Variants in TM9SF4 observed in about 807,000 individuals in gnomAD.
The protein encoded by TM9SF4 is transmembrane 9 superfamily member 4.
TM9SF4 carries 26 observed loss-of-function variants against 90.4 expected under a neutral mutation model. The ratio of observed to expected loss-of-function variants is 0.29; its 90% confidence interval spans 0.21 to 0.40. The LOEUF (loss-of-function observed/expected upper bound fraction) is 0.40. Among genes scored for constraint, TM9SF4 ranks in the 10% least tolerant of loss-of-function variants. The pLI is 1.00. For synonymous variants in TM9SF4, 293 were observed against 315.4 expected, an observed-to-expected ratio of 0.93 and a Z score of 0.75; for missense variants, 549 against 834.8, an observed-to-expected ratio of 0.66 and a Z score of 4.22.
chr20:32,111,892 C>G (rs2046147890), intron 1 of TM9SF4, among the ~76,000 whole-genome samples: 1 of 152,130 alleles, frequency 6.6e-6, no homozygotes, highest in African/African-American at 2.4e-5. Flanking sequence ...CAAGATGAAA[C>G]TGGAGGGAAG....
chr20:32,166,986 A>G lies in TM9SF4; in HGVS notation c.*1542A>G, dbSNP rs1366155131. 1.3e-5 allele frequency: 2 copies of G among 152,122 alleles called. No homozygotes were observed. The allele number at this position is 152,122 out of a possible 1,614,324, so 9.4% of individuals were successfully genotyped here. A position where few individuals can be genotyped will look rare whatever the true frequency, so the allele number is the denominator to read the frequency against. ...CTTGCCTCACAGTGACTGCAGCGCC[A>G]AGCGGCATCCACCAAGCATCAAGTT... On this transcript the variant is annotated 3_prime_UTR_variant, in exon 18 of 18. Coordinates refer to ENST00000398022, the MANE Select transcript of TM9SF4 (RefSeq NM_014742.4).
At chr20:32,113,493 T>C (rs1252247498) in intron 1 of TM9SF4, among the ~76,000 whole-genome samples, 2 of 151,916 alleles carry the variant, frequency 1.3e-5, no homozygotes, top group Non-Finnish European at 2.9e-5. Context: ...GTCTCACTCT[T>C]TATGGAAAAC....
chr20:32,145,765 A>T (rs1387870146), intron 8 of TM9SF4, among the ~76,000 whole-genome samples: 1 of 152,220 alleles, frequency 6.6e-6, no homozygotes, highest in Non-Finnish European at 1.5e-5. Context: ...CTCTGCTCCC[A>T]TAGAGCCTAT....
chr20:32,130,456 G>C (rs2046494124), intron 1 of TM9SF4, among the ~76,000 whole-genome samples: 1 of 152,090 alleles, frequency 6.6e-6, no homozygotes, highest in African/African-American at 2.4e-5. Context: ...GAAAAAAGAG[G>C]GCAGGGTTTA....
chr20:32,128,491 T>A (rs2046455516), intron 1 of TM9SF4, among the ~76,000 whole-genome samples: 1 of 152,116 alleles, frequency 6.6e-6, no homozygotes, highest in Non-Finnish European at 1.5e-5. Flanking sequence ...GTTACATGGG[T>A]AGATTGGGTA....
At chr20:32,112,202 G>A (rs1234511504) in intron 1 of TM9SF4, among the ~76,000 whole-genome samples, 2 of 152,068 alleles carry the variant, frequency 1.3e-5, no homozygotes, top group Non-Finnish European at 2.9e-5. Context: ...TTGAGCTCAG[G>A]AGTTTGAGAC....
At chr20:32,136,986 A>G (rs1339609089) in intron 3 of TM9SF4, 2 of 469,948 alleles carry the variant, frequency 4.3e-6, no homozygotes, top group South Asian at 3.1e-5. Context: ...TGACAAATTT[A>G]TCTACTGCCA....
At chr20:32,123,236 A>T (rs1228053471) in intron 1 of TM9SF4, among the ~76,000 whole-genome samples, 2 of 60,392 alleles carry the variant, frequency 3.3e-5, no homozygotes, top group Non-Finnish European at 6.2e-5. Flanking sequence ...AGGGAGAGGG[A>T]GAGGCTTTTT....
chr20:32,149,552 G>A (rs577362814), intron 9 of TM9SF4, 82 bp from the exon 10 acceptor site: 635 of 1,593,986 alleles, frequency 4.0e-4, no homozygotes, highest in Non-Finnish European at 5.3e-4. Flanking sequence ...ACCTGAGGGT[G>A]TCAGCTGTCA....
intron 1 of TM9SF4, among the ~76,000 whole-genome samples, chr20:32,123,697 C>T (rs943313665): frequency 6.7e-6 from 1 of 149,978 alleles, no homozygotes; most frequent in East Asian, 2.0e-4. Flanking sequence ...TTGCTTTATT[C>T]TTAGGAAACT....
At chr20:32,159,930 G>A (rs1283864981) in intron 15 of TM9SF4, 62 bp from the exon 16 acceptor site, 1 of 1,608,306 alleles carries the variant, frequency 6.2e-7, no homozygotes, top group Non-Finnish European at 8.5e-7. Context: ...TGACAGGTTG[G>A]TGTGCCAGGG....
rs1452485379 is a variant in TM9SF4 at position 32,157,676 on chromosome 20, GCTT to G, written c.1330-115_1330-113del. On this transcript the variant is annotated intron_variant, in intron 13 of 17. Transcript: ENST00000398022. ...GCCCTGTGGTGGGGGCAGGGAGTGT[GCTT>G]CTGCTGCACAAGTCGCCTCTCCTTC... 6.8e-6 allele frequency: 9 copies of G among 1,322,964 alleles called. No individual in the cohort carries two copies. The African/African-American group carries it at 1.3e-4, about 19-fold the overall frequency. The allele number at this position is 1,322,964 out of a possible 1,614,324, so 82.0% of individuals were successfully genotyped here. A position where few individuals can be genotyped will look rare whatever the true frequency, so the allele number is the denominator to read the frequency against.
rs1353370832 is a variant in TM9SF4 at position 32,166,438 on chromosome 20, G to C, written c.*994G>C. The C allele has an allele frequency of 6.6e-6, 1 of 152,636 alleles. No homozygotes were observed. The highest frequency in any genetic ancestry group is 2.4e-5 in the African/African-American group (1 of 41,582). 9.5% of individuals were successfully genotyped at this position (152,636 alleles called of 1,614,324 possible). A position where few individuals can be genotyped will look rare whatever the true frequency, so the allele number is the denominator to read the frequency against. ...TTCAGGCAGAACAGGGAGGCCCAGAGATTACAGATCCCCTCCTGTAAGTGG... is the reference window on the plus strand; with the variant it reads ...TTCAGGCAGAACAGGGAGGCCCAGACATTACAGATCCCCTCCTGTAAGTGG... On this transcript the variant is annotated 3_prime_UTR_variant, in exon 18 of 18. Transcript: ENST00000398022.
rs1382979657 is a variant in TM9SF4, at chr20:32,141,801, A to T, written c.434A>T (p.Glu145Val). 6.2e-7 allele frequency: 1 copy of T among 1,614,078 alleles called. No individual in the cohort carries two copies. The highest frequency in any genetic ancestry group is 1.1e-5 in the South Asian group (1 of 91,076). Residue 145 changes from glutamate to valine, a missense_variant, in exon 5 of 18, where the codon GAG becomes GTG. Glu to Val is a moderately radical substitution (Grantham distance 121). Around this residue, in one of 2 missense-constraint regions of TM9SF4, gnomAD observed 495 missense variants for 711.7 expected, o/e 0.70. Coordinates refer to ENST00000398022, the MANE Select transcript of TM9SF4 (RefSeq NM_014742.4). ...AACCTGCCTGTGGCCACCCGGCTGG[A>T]GCTCTACTCCAACCGAGACAGCGAT... ...ADNLPVATRL[E>V]LYSNRDSDDK...
intron 1 of TM9SF4, among the ~76,000 whole-genome samples, chr20:32,129,205 A>G (rs964364657): frequency 2.6e-5 from 4 of 152,132 alleles, no homozygotes; most frequent in Non-Finnish European, 5.9e-5. Context: ...TACTCAAGAA[A>G]TGTATCGGCC....
At chr20:32,163,809 C>G (rs977070967) in intron 17 of TM9SF4, among the ~76,000 whole-genome samples, 3 of 151,894 alleles carry the variant, frequency 2.0e-5, no homozygotes, top group African/African-American at 7.3e-5. Context: ...CAGGGTTTCT[C>G]CATGTTGGCC....
chr20:32,141,541 G>A lies in TM9SF4; in HGVS notation c.274G>A (p.Val92Ile), dbSNP rs924493775. 8.7e-6 allele frequency: 14 copies of A among 1,614,012 alleles called. No individual in the cohort carries two copies. The highest frequency in any genetic ancestry group is 1.7e-5 in the Admixed American group (1 of 59,998). Reference protein sequence around the residue: ...GDRIVNTPFQVLMNSEKKCEV... With the variant: ...GDRIVNTPFQILMNSEKKCEV... ...CCGGATTGTCAACACCCCTTTCCAG[G>A]TTCTCATGAACAGCGAGAAGAAGTG... The change falls in exon 4 of 18, where the codon GTT (valine) becomes ATT (isoleucine). Residue 92 changes from valine to isoleucine, a missense_variant. Val to Ile is a conservative substitution (Grantham distance 29). Transcript: ENST00000398022.
At chr20:32,152,673 C>T (rs989165444) in intron 12 of TM9SF4, among the ~76,000 whole-genome samples, 4 of 152,186 alleles carry the variant, frequency 2.6e-5, no homozygotes, top group Non-Finnish European at 4.4e-5. Flanking sequence ...TACTCTCCTA[C>T]GGCCTTGCCT....
chr20:32,124,233 TAA>T (rs2046385989), intron 1 of TM9SF4, among the ~76,000 whole-genome samples: 2 of 152,158 alleles, frequency 1.3e-5, no homozygotes, highest in Admixed American at 1.3e-4. Context: ...CATCCCGAAG[TAA>T]CGGACAAATA....
Sources: allele counts gnomAD v4.1 joint callset (sites outside exome capture counted in the v4.1 genomes callset), GRCh38; gene constraint gnomAD v4.1.1; regional missense constraint gnomAD v4.1.1; transcripts MANE v1.5; gene names NCBI Gene and HGNC (gene_info 2026-07-23, HGNC 2026-07-21).